Variants in MACROD2 observed in about 807,000 individuals in gnomAD.
MACROD2 encodes mono-ADP ribosylhydrolase 2, also known as ADP-ribose glycohydrolase MACROD2.
MACROD2 carries 36 observed loss-of-function variants against 70.4 expected under a neutral mutation model. The ratio of observed to expected loss-of-function variants is 0.51; its 90% CI spans 0.39 to 0.68. MACROD2 has a LOEUF of 0.68. MACROD2 is among the 30% of genes least tolerant of loss of function. The pLI is 0.00. For synonymous variants in MACROD2, 172 were observed against 178.8 expected, an observed-to-expected ratio of 0.96 and a Z score of 0.30; for missense variants, 496 against 538.4, an observed-to-expected ratio of 0.92 and a Z score of 0.78.
chr20:15,335,023 A>C lies in MACROD2; in HGVS notation c.541-96382A>C, dbSNP rs1248851179. 1.3e-5 allele frequency among the ~76,000 whole-genome samples: 2 copies of C among 151,736 alleles called. 1 individual carries two copies. The highest frequency in any genetic ancestry group is 4.9e-5 in the African/African-American group (2 of 41,048). ...GACAATCATCACAGTAGGCTGTGTT[A>C]GAAATTTCTAAAGCTGGGAAAGGCT... On this transcript the variant is annotated intron_variant, in intron 6 of 17. Coordinates refer to ENST00000684519, the MANE Select transcript of MACROD2 (RefSeq NM_001351661.2).
At chr20:15,797,151 T>C (rs1359783033) in intron 8 of MACROD2, among the ~76,000 whole-genome samples, 1 of 152,174 alleles carries the variant, frequency 6.6e-6, no homozygotes, top group Non-Finnish European at 1.5e-5. Context: ...TCTCGCTCTG[T>C]TGCCCAGGCT....
intron 8 of MACROD2, among the ~76,000 whole-genome samples, chr20:15,677,647 C>T (rs1340573214): frequency 6.6e-6 from 1 of 151,546 alleles, no homozygotes; most frequent in Non-Finnish European, 1.5e-5. Context: ...CACTTCAAAC[C>T]CAACCCTCAG....
At chr20:15,154,004 A>T (rs2076289680) in intron 5 of MACROD2, among the ~76,000 whole-genome samples, 2 of 152,192 alleles carry the variant, frequency 1.3e-5, no homozygotes, top group African/African-American at 4.8e-5. Context: ...CATTTTTCAA[A>T]GGATTTTAGT....
At chr20:14,623,996 C>G (rs1415598650) in intron 4 of MACROD2, among the ~76,000 whole-genome samples, 2 of 152,202 alleles carry the variant, frequency 1.3e-5, no homozygotes, top group Non-Finnish European at 2.9e-5. Context: ...TGCCCCAGGG[C>G]TATGTTGTCT....
Position 15,356,958 on chromosome 20 carries a change from A to G in MACROD2, c.541-74447A>G, listed in dbSNP as rs183219454. ...TACAAACTGAATTCAGAATATAACAAACTTACTTTTGTATATAGGTCAGAA... is the reference window on the plus strand; with the variant it reads ...TACAAACTGAATTCAGAATATAACAGACTTACTTTTGTATATAGGTCAGAA... On this transcript the variant is annotated intron_variant, in intron 6 of 17. Transcript: ENST00000684519. Among the ~76,000 whole-genome samples the G allele has an allele frequency of 7.0e-4, 107 of 152,306 alleles. No individual in the cohort carries two copies. The Middle Eastern group carries it at 0.01, about 15-fold the overall frequency.
Position 14,525,030 on chromosome 20 carries a change from T to G in MACROD2, c.301+31522T>G, listed in dbSNP as rs146308501. Among the ~76,000 whole-genome samples the G allele has an allele frequency of 2.2e-3, 335 of 152,294 alleles. 5 individuals carry two copies. The highest frequency in any genetic ancestry group is 7.2e-3 in the African/African-American group (298 of 41,568). ...TTTATGTTGAAAACGCAGGGTGATA[T>G]GTGGTCTTGACACATCAATTTAGAA... On this transcript the variant is annotated intron_variant, in intron 4 of 17. Transcript: ENST00000684519.
chr20:14,885,043 C>T lies in MACROD2; in HGVS notation c.418+200084C>T, dbSNP rs117340191. ...ATACATCTTAATGTCAAAGGCATGT[C>T]CTTAACCTTGGCAAAGCAAACTTCT... On this transcript the variant is annotated intron_variant, in intron 5 of 17. Coordinates refer to ENST00000684519, the MANE Select transcript of MACROD2 (RefSeq NM_001351661.2). Among the ~76,000 whole-genome samples the T allele has an allele frequency of 1.6e-4, 25 of 152,270 alleles. No individual in the cohort carries two copies. The East Asian group carries it at 4.6e-3, about 28-fold the overall frequency.
At chr20:15,427,102 C>A (rs2046308401) in intron 6 of MACROD2, among the ~76,000 whole-genome samples, 1 of 152,124 alleles carries the variant, frequency 6.6e-6, no homozygotes, top group East Asian at 1.9e-4. Flanking sequence ...AGTTATTTTA[C>A]ATAAAATGAA....
intron 15 of MACROD2, among the ~76,000 whole-genome samples, chr20:16,002,130 G>A (rs2066718024): frequency 6.6e-6 from 1 of 151,816 alleles, no homozygotes; most frequent in Admixed American, 6.6e-5. Flanking sequence ...TACTCAATAA[G>A]TAGATCTCAA....
intron 8 of MACROD2, among the ~76,000 whole-genome samples, chr20:15,540,468 G>A (rs113138757): frequency 0.015 from 2,335 of 152,236 alleles, 30 homozygotes; most frequent in Non-Finnish European, 0.024. Flanking sequence ...ATTCAAATGA[G>A]AATACTGAAC....
chr20:15,749,358 A>G (rs962085264), intron 8 of MACROD2, among the ~76,000 whole-genome samples: 4 of 152,076 alleles, frequency 2.6e-5, no homozygotes, highest in Non-Finnish European at 2.9e-5. Context: ...CTTTCTTTAT[A>G]GCACTTGTCA....
At chr20:15,891,452 T>C (rs1197204202) in intron 10 of MACROD2, among the ~76,000 whole-genome samples, 1 of 152,170 alleles carries the variant, frequency 6.6e-6, no homozygotes, top group Non-Finnish European at 1.5e-5. Flanking sequence ...CTGGTTTATG[T>C]TTCAAAAGCT....
At chr20:14,678,128 C>G (rs1354747872) in intron 4 of MACROD2, among the ~76,000 whole-genome samples, 3 of 152,262 alleles carry the variant, frequency 2.0e-5, no homozygotes, top group South Asian at 2.1e-4. Flanking sequence ...CACTTTTTGT[C>G]TGGTTGCTGC....
At chr20:15,748,926 A>G (rs2051226914) in intron 8 of MACROD2, among the ~76,000 whole-genome samples, 1 of 152,116 alleles carries the variant, frequency 6.6e-6, no homozygotes, top group African/African-American at 2.4e-5. Context: ...GTAACTTTGG[A>G]CAAGTCAGTG....
chr20:15,085,330 A>G (rs1352005063), intron 5 of MACROD2, among the ~76,000 whole-genome samples: 1 of 152,188 alleles, frequency 6.6e-6, no homozygotes, highest in Non-Finnish European at 1.5e-5. Context: ...ACCTTGGTTT[A>G]AGGCAATAGT....
rs117584385 is a variant in MACROD2, at chr20:14,354,923, A to G, written c.272-138556A>G. 4.9e-3 allele frequency among the ~76,000 whole-genome samples: 752 copies of G among 152,300 alleles called. 2 individuals carry two copies. The highest frequency in any genetic ancestry group is 9.1e-3 in the South Asian group (44 of 4,828). On this transcript the variant is annotated intron_variant, in intron 3 of 17. Transcript: ENST00000684519. Reference sequence around the variant, plus strand: ...GTTCCTGCATTAATTCACTTAGGATAATGACCTCTGGCTGCATCTGTGTTG... The same window carrying G: ...GTTCCTGCATTAATTCACTTAGGATGATGACCTCTGGCTGCATCTGTGTTG...
chr20:14,227,339 C>T (rs912326183), intron 3 of MACROD2, among the ~76,000 whole-genome samples: 1 of 152,168 alleles, frequency 6.6e-6, no homozygotes, highest in African/African-American at 2.4e-5. Flanking sequence ...TTCTTTTGCT[C>T]TTTGCAATAA....
chr20:15,401,054 T>C (rs552362183), intron 6 of MACROD2, among the ~76,000 whole-genome samples: 3 of 151,958 alleles, frequency 2.0e-5, no homozygotes, highest in Non-Finnish European at 1.5e-5. Context: ...TTTTTTTTTT[T>C]TGAGACGGAG....
Position 14,921,496 on chromosome 20 carries a change from A to G in MACROD2, c.418+236537A>G, listed in dbSNP as rs1017459088. Among the ~76,000 whole-genome samples the G allele has an allele frequency of 2.6e-5, 4 of 152,306 alleles. No individual in the cohort carries two copies. In the East Asian group the frequency reaches 7.7e-4, roughly 29 times the overall value. The stretch of plus-strand genomic sequence containing the variant: ...ATTTTGCTAAGCATAATTGTCATGT[A>G]TATAAAAGCATGAAACTGTTAACAC... On this transcript the variant is annotated intron_variant, in intron 5 of 17. Transcript: ENST00000684519.
Sources: allele counts gnomAD v4.1 joint callset (sites outside exome capture counted in the v4.1 genomes callset), GRCh38; gene constraint gnomAD v4.1.1; transcripts MANE v1.5; gene names NCBI Gene and HGNC (gene_info 2026-07-23, HGNC 2026-07-21).